The following VAPA variants were observed in gnomAD, a reference collection of about 807,000 sequenced individuals.
VAPA encodes the protein vesicle-associated membrane protein-associated protein A.
Under a neutral mutation model 25.6 loss-of-function variants are expected in VAPA, and 6 were observed. The ratio of observed to expected loss-of-function variants is 0.23; its 90% confidence interval spans 0.13 to 0.46. The LOEUF (loss-of-function observed/expected upper bound fraction) is 0.46, where lower values mean the gene tolerates loss of function less well. Among genes scored for constraint, VAPA ranks in the 20% least tolerant of loss-of-function variants. The pLI is 0.99. For missense variants in VAPA, 244 were observed against 302.1 expected (o/e 0.81, Z 1.43); for synonymous variants, 112 against 106.2 (o/e 1.05, Z -0.34).
intron 1 of VAPA, 82 bp downstream of exon 1, chr18:9,914,417 C>A: frequency 7.5e-7 from 1 of 1,328,252 alleles, no homozygotes; most frequent in Non-Finnish European, 1.0e-6. Context: ...AGGGCACGTC[C>A]GCGGCCCTGG....
intron 4 of VAPA, among the ~76,000 whole-genome samples, chr18:9,941,141 A>G (rs979749879): frequency 2.0e-4 from 30 of 151,880 alleles, no homozygotes; most frequent in Non-Finnish European, 3.5e-4. Flanking sequence ...AATTTAAAAT[A>G]ACCTAATTAA....
At chr18:9,951,755 T>C (rs542602256) in intron 5 of VAPA, among the ~76,000 whole-genome samples, 2 of 152,362 alleles carry the variant, frequency 1.3e-5, no homozygotes, top group East Asian at 3.9e-4. Flanking sequence ...TTATTCCTTT[T>C]GTTAGGTGTA....
chr18:9,955,577 C>A lies in VAPA; in HGVS notation c.*1366C>A, dbSNP rs1304092656. 1 of 151,944 alleles carries A rather than the reference C, an allele frequency of 6.6e-6. No homozygotes were observed. The highest frequency in any genetic ancestry group is 1.9e-4 in the East Asian group (1 of 5,196). The allele number at this position is 151,944 out of a possible 1,614,324, so 9.4% of individuals were successfully genotyped here. A position where few individuals can be genotyped will look rare whatever the true frequency, so the allele number is the denominator to read the frequency against. On this transcript the variant is annotated 3_prime_UTR_variant, in exon 6 of 6. Transcript: ENST00000400000. ...GTGTTGGCTCTTTTTTTAAAAGATGCGCTCTACCTGAAAAGGAAATTGGAT... is the reference window on the plus strand; with the variant it reads ...GTGTTGGCTCTTTTTTTAAAAGATGAGCTCTACCTGAAAAGGAAATTGGAT...
In VAPA at chr18:9,959,996, G is replaced by A. The variant is rs2069590292; in HGVS notation, c.*5785G>A. The A allele has an allele frequency of 6.6e-6, 1 of 152,220 alleles. No homozygotes were observed. Among genetic ancestry groups the A allele is most frequent in the Non-Finnish European group, 1.5e-5 (1 of 68,004 alleles). The allele number at this position is 152,220 out of a possible 1,614,324, so 9.4% of individuals were successfully genotyped here. Reference sequence around the variant, plus strand: ...TTCACATGAAAACAAATACAAACGAGAATCAAAATAAAGTTTTGCAAAGTA... The same window carrying A: ...TTCACATGAAAACAAATACAAACGAAAATCAAAATAAAGTTTTGCAAAGTA... On this transcript the variant is annotated 3_prime_UTR_variant, in exon 6 of 6. Transcript: ENST00000400000.
intron 4 of VAPA, among the ~76,000 whole-genome samples, chr18:9,938,679 C>G (rs1383904945): frequency 6.6e-6 from 1 of 152,196 alleles, no homozygotes; most frequent in Admixed American, 6.5e-5. Context: ...ATATCTGAGT[C>G]TGAACCTTGA....
chr18:9,920,882 C>G (rs946626189), intron 1 of VAPA, among the ~76,000 whole-genome samples: 1 of 152,226 alleles, frequency 6.6e-6, no homozygotes, highest in African/African-American at 2.4e-5. Flanking sequence ...TCACGTCTGT[C>G]AGGCAGCCTC....
chr18:9,916,911 GGTTTTTCT>G (rs1190602619), intron 1 of VAPA, among the ~76,000 whole-genome samples: 1 of 152,058 alleles, frequency 6.6e-6, no homozygotes, highest in Non-Finnish European at 1.5e-5. Context: ...GAGATTGGAT[GGTTTTTCT>G]TTTATACACC....
intron 1 of VAPA, chr18:9,914,825 A>T (rs1470714913): frequency 6.6e-6 from 1 of 152,390 alleles, no homozygotes; most frequent in African/African-American, 2.4e-5. Flanking sequence ...CCCGGCTGTC[A>T]GCGGCGCGGG....
At chr18:9,933,504 A>G (rs139308778) in intron 2 of VAPA, among the ~76,000 whole-genome samples, 8 of 152,328 alleles carry the variant, frequency 5.3e-5, no homozygotes, top group African/African-American at 1.9e-4. Flanking sequence ...GCTTTCTACT[A>G]CATCTTTAAG....
intron 5 of VAPA, 99 bp downstream of exon 5, chr18:9,950,667 T>A: frequency 7.5e-7 from 1 of 1,329,910 alleles, no homozygotes; most frequent in Non-Finnish European, 1.0e-6. Flanking sequence ...AATTTTTGCT[T>A]GGTCAGTTCT....
intron 1 of VAPA, among the ~76,000 whole-genome samples, chr18:9,916,702 T>A (rs931999585): frequency 1.3e-5 from 2 of 152,250 alleles, no homozygotes; most frequent in Non-Finnish European, 2.9e-5. Flanking sequence ...TCATTTAGAA[T>A]GTACAGTCTA....
intron 4 of VAPA, among the ~76,000 whole-genome samples, chr18:9,942,841 T>C (rs910624186): frequency 2.0e-5 from 3 of 152,174 alleles, no homozygotes; most frequent in African/African-American, 7.2e-5. Flanking sequence ...GGACCCACCC[T>C]CATGATCCAG....
chr18:9,942,889 T>G (rs9964291), intron 4 of VAPA, among the ~76,000 whole-genome samples: 11,261 of 152,242 alleles, frequency 0.074, 462 homozygotes, highest in African/African-American at 0.094. Context: ...CACTGGAGAT[T>G]ACAATTTGAC....
chr18:9,949,509 G>A (rs1200251475), intron 4 of VAPA: 2 of 152,290 alleles, frequency 1.3e-5, no homozygotes, highest in East Asian at 3.9e-4. Flanking sequence ...TATAAAATGA[G>A]TATTGTGGAA....
At chr18:9,940,408 G>T (rs1410236231) in intron 4 of VAPA, among the ~76,000 whole-genome samples, 3 of 151,960 alleles carry the variant, frequency 2.0e-5, no homozygotes, top group African/African-American at 7.3e-5. Flanking sequence ...TAATCGACCG[G>T]GTACCTGTGA....
chr18:9,955,007 G>T lies in VAPA; in HGVS notation c.*796G>T, dbSNP rs573436576. On this transcript the variant is annotated 3_prime_UTR_variant, in exon 6 of 6. Coordinates refer to ENST00000400000, the MANE Select transcript of VAPA (RefSeq NM_194434.3). ...ATTTTAAGGTACCACTGGTATTTTG[G>T]GAGATTATAATCAGTTTGTTTTCAA... The T allele has an allele frequency of 9.9e-5, 15 of 152,188 alleles. No homozygotes were observed. The highest frequency in any genetic ancestry group is 2.6e-4 in the African/African-American group (11 of 41,512). The allele number at this position is 152,188 out of a possible 1,614,324, so 9.4% of individuals were successfully genotyped here. A position where few individuals can be genotyped will look rare whatever the true frequency, so the allele number is the denominator to read the frequency against.
chr18:9,943,995 G>T (rs1359545368), intron 4 of VAPA, among the ~76,000 whole-genome samples: 1 of 151,388 alleles, frequency 6.6e-6, no homozygotes. Flanking sequence ...CCGAGTAGCT[G>T]GGACTACAGG....
intron 2 of VAPA, among the ~76,000 whole-genome samples, chr18:9,935,354 T>C (rs1429295203): frequency 6.6e-6 from 1 of 152,186 alleles, no homozygotes; most frequent in Admixed American, 6.5e-5. Flanking sequence ...GGCGGATCTC[T>C]TGAGCCCAGG....
chr18:9,919,295 G>A (rs2069137604), intron 1 of VAPA, among the ~76,000 whole-genome samples: 1 of 152,144 alleles, frequency 6.6e-6, no homozygotes, highest in Non-Finnish European at 1.5e-5. Flanking sequence ...CCACTTCAAT[G>A]TGTTTCTACT....
Sources: gnomAD v4.1 joint callset for allele counts (sites outside exome capture counted in the v4.1 genomes callset) on GRCh38, gnomAD v4.1.1 for gene constraint, MANE v1.5 for transcripts, NCBI Gene and HGNC (gene_info 2026-07-23, HGNC 2026-07-21) for gene names.